The following EML1 variants were observed in gnomAD, a reference collection of about 807,000 sequenced individuals.
The protein encoded by EML1 is EMAP like 1.
Under a neutral mutation model 110.4 loss-of-function variants are expected in EML1, and 27 were observed. That is an observed-to-expected ratio of 0.24 (90% CI 0.18 to 0.34). EML1 has a LOEUF of 0.34. Ranked by LOEUF, EML1 falls within the 10% of genes least tolerant of loss-of-function variation. The pLI is 1.00. For synonymous variants in EML1, 344 were observed against 385.8 expected (o/e 0.89, Z 1.27); for missense variants, 741 against 1,030.9 (o/e 0.72, Z 3.85).
At chr14:99,842,868 A>G (rs2139808739) in intron 1 of EML1, among the ~76,000 whole-genome samples, 1 of 152,310 alleles carries the variant, frequency 6.6e-6, no homozygotes, top group African/African-American at 2.4e-5. Context: ...GCTGGCAGCC[A>G]CAATAAATGT....
chr14:99,840,818 AC>A (rs552746221), intron 1 of EML1, among the ~76,000 whole-genome samples: 1 of 152,330 alleles, frequency 6.6e-6, no homozygotes, highest in South Asian at 2.1e-4. Context: ...TGCTTCTCTC[AC>A]CTTTTAATAG....
chr14:99,830,053 T>C (rs2058423666), intron 1 of EML1, among the ~76,000 whole-genome samples: 1 of 152,244 alleles, frequency 6.6e-6, no homozygotes. Flanking sequence ...CGTTTAACTT[T>C]TTGAGGATCT....
intron 1 of EML1, among the ~76,000 whole-genome samples, chr14:99,846,898 T>A (rs2058715758): frequency 6.6e-6 from 1 of 152,226 alleles, no homozygotes; most frequent in Non-Finnish European, 1.5e-5. Flanking sequence ...GGCAGAGTAG[T>A]GAACCAACAG....
chr14:99,828,901 C>T (rs1312917972), intron 1 of EML1, among the ~76,000 whole-genome samples: 2 of 152,136 alleles, frequency 1.3e-5, no homozygotes, highest in Admixed American at 1.3e-4. Context: ...TCCTCGTCGT[C>T]TTCACGTTGA....
At chr14:99,762,048 A>T (rs1006215128) in intron 1 of EML1, among the ~76,000 whole-genome samples, 10 of 152,110 alleles carry the variant, frequency 6.6e-5, no homozygotes, top group Admixed American at 1.3e-4. Flanking sequence ...TTAGGGAAAT[A>T]TGTGGAGGTG....
At chr14:99,830,587 G>C (rs1032705331) in intron 1 of EML1, among the ~76,000 whole-genome samples, 2 of 151,692 alleles carry the variant, frequency 1.3e-5, no homozygotes, top group African/African-American at 4.9e-5. Context: ...TCTAGCTCTT[G>C]TCACCCAGGC....
At chr14:99,909,294 C>CT (rs780301686) in intron 10 of EML1, 51 bp from the exon 11 acceptor site, 1 of 1,613,662 alleles carries the variant, frequency 6.2e-7, no homozygotes, top group Non-Finnish European at 8.5e-7. Context: ...CTACATGTCT[C>CT]TTACGCGTCT....
chr14:99,818,311 C>T (rs149747377), intron 1 of EML1, among the ~76,000 whole-genome samples: 104 of 152,128 alleles, frequency 6.8e-4, no homozygotes, highest in East Asian at 4.5e-3. Flanking sequence ...AGGTTGTTGC[C>T]GGAGTCCAGA....
intron 1 of EML1, among the ~76,000 whole-genome samples, chr14:99,831,237 A>C (rs980723699): frequency 6.6e-6 from 1 of 152,192 alleles, no homozygotes; most frequent in Non-Finnish European, 1.5e-5. Flanking sequence ...AGGGCTTTGA[A>C]GTGGAAAGGC....
At chr14:99,805,726 T>C (rs1566873814) in intron 1 of EML1, among the ~76,000 whole-genome samples, 1 of 152,104 alleles carries the variant, frequency 6.6e-6, no homozygotes, top group Non-Finnish European at 1.5e-5. Flanking sequence ...TCCTCCTGCC[T>C]CAACTTCCCA....
At chr14:99,820,555 T>C (rs1236090541) in intron 1 of EML1, among the ~76,000 whole-genome samples, 8 of 152,230 alleles carry the variant, frequency 5.3e-5, no homozygotes, top group Non-Finnish European at 2.9e-5. Flanking sequence ...CAGTCAGATA[T>C]ACAGTGCAGG....
chr14:99,868,131 T>C (rs2059133609), intron 3 of EML1, among the ~76,000 whole-genome samples: 1 of 152,246 alleles, frequency 6.6e-6, no homozygotes, highest in South Asian at 2.1e-4. Context: ...TTGATTTTTA[T>C]GTGTTGAATC....
At chr14:99,741,784 GCT>G (rs994211022) in intron 1 of EML1, among the ~76,000 whole-genome samples, 4 of 152,284 alleles carry the variant, frequency 2.6e-5, no homozygotes, top group Admixed American at 2.0e-4. Context: ...AGGTCGCACT[GCT>G]CTCTGAGGTG....
chr14:99,768,145 G>A (rs992371706), upstream of EML1, among the ~76,000 whole-genome samples: 3 of 152,142 alleles, frequency 2.0e-5, no homozygotes, highest in Non-Finnish European at 4.4e-5. Context: ...CCACACGAAG[G>A]GTGCACATTG....
chr14:99,891,446 C>T (rs1401053148), intron 5 of EML1, among the ~76,000 whole-genome samples: 1 of 152,184 alleles, frequency 6.6e-6, no homozygotes, highest in Admixed American at 6.5e-5. Flanking sequence ...CTTCACCTAC[C>T]CTCTCCAAAA....
At chr14:99,885,675 A>T (rs1309674942) in intron 4 of EML1, among the ~76,000 whole-genome samples, 1 of 152,242 alleles carries the variant, frequency 6.6e-6, no homozygotes, top group African/African-American at 2.4e-5. Context: ...TTTCAAAATG[A>T]TAAGTGCTAA....
Position 99,900,291 on chromosome 14 carries a change from C to T in EML1, c.898-638C>T, listed in dbSNP as rs564396226. Among the ~76,000 whole-genome samples, 430 of 149,422 alleles carry T rather than the reference C, an allele frequency of 2.9e-3. 4 individuals are homozygous for T. Among genetic ancestry groups the T allele is most frequent in the African/African-American group, 9.8e-3 (399 of 40,750 alleles). ...GCAACCTCCACCTCCCGGGTTCAAG[C>T]GATTTCCTGCCTCAGCCTCCCAAGT... is the stretch of plus-strand genomic sequence containing the variant. On this transcript the variant is annotated intron_variant, in intron 8 of 21. Transcript: ENST00000262233.
intron 2 of EML1, among the ~76,000 whole-genome samples, chr14:99,851,881 C>T (rs1312861674): frequency 6.6e-6 from 1 of 152,168 alleles, no homozygotes; most frequent in Non-Finnish European, 1.5e-5. Context: ...CTCTTCCCCT[C>T]TTCTAGCTGC....
chr14:99,770,388 T>TATCTATCTATCTATC (rs1266103423), upstream of EML1, among the ~76,000 whole-genome samples: 2 of 152,028 alleles, frequency 1.3e-5, no homozygotes, highest in African/African-American at 4.8e-5. Context: ...TCTATCTATC[T>TATCTATCTATCTATC]ATCTATCTAT....
Sources: allele counts gnomAD v4.1 joint callset (sites outside exome capture counted in the v4.1 genomes callset), GRCh38; gene constraint gnomAD v4.1.1; transcripts MANE v1.5; gene names NCBI Gene and HGNC (gene_info 2026-07-23, HGNC 2026-07-21).